LIN28B: variants seen among roughly 807,000 people sequenced by gnomAD.
LIN28B encodes the protein lin-28 RNA binding posttranscriptional regulator B, also known as protein lin-28 homolog B.
A neutral mutation model predicts 21.9 loss-of-function variants in LIN28B; 5 were observed. The observed-to-expected ratio is 0.23, with a 90% CI of 0.12 to 0.48. The LOEUF (loss-of-function observed/expected upper bound fraction) is 0.48, where lower values mean the gene tolerates loss of function less well. Ranked by LOEUF, LIN28B falls within the 20% of genes least tolerant of loss-of-function variation. The pLI is 0.98. For synonymous variants in LIN28B, 109 were observed against 111.3 expected, an observed-to-expected ratio of 0.98 and a Z score of 0.13; for missense variants, 245 against 310.5, an observed-to-expected ratio of 0.79 and a Z score of 1.58.
rs959764328 is a variant in LIN28B at position 105,079,473 on chromosome 6, G to C, written c.*690G>C. 1.3e-5 allele frequency: 2 copies of C among 152,504 alleles called. No individual in the cohort carries two copies. The highest frequency in any genetic ancestry group is 4.8e-5 in the African/African-American group (2 of 41,410). The allele number at this position is 152,504 out of a possible 1,614,324, so 9.4% of individuals were successfully genotyped here. ...CTGCCATAAGCTTTTTTGATTCTGGGATAACATAACTCCAGAAAAGACAAT... is the reference window on the plus strand; with the variant it reads ...CTGCCATAAGCTTTTTTGATTCTGGCATAACATAACTCCAGAAAAGACAAT... On this transcript the variant is annotated 3_prime_UTR_variant, in exon 4 of 4. Transcript: ENST00000345080.
chr6:104,957,207 A>G lies in LIN28B; in HGVS notation c.-44A>G. ...GAAGATCACTCCGTTCCAAAGGGAAAGTTTTCATCTCACGAGTTTGGAGCT... is the reference window on the plus strand; with the variant it reads ...GAAGATCACTCCGTTCCAAAGGGAAGGTTTTCATCTCACGAGTTTGGAGCT... On this transcript the variant is annotated 5_prime_UTR_variant, in exon 1 of 4. Coordinates refer to ENST00000345080, the MANE Select transcript of LIN28B (RefSeq NM_001004317.4). The G allele has an allele frequency of 6.2e-7, 1 of 1,613,986 alleles. No individual in the cohort carries two copies. Among genetic ancestry groups the G allele is most frequent in the East Asian group, 2.2e-5 (1 of 44,870 alleles).
intron 3 of LIN28B, among the ~76,000 whole-genome samples, chr6:105,065,554 C>T (rs376563801): frequency 1.4e-4 from 22 of 152,220 alleles, no homozygotes; most frequent in African/African-American, 3.9e-4. Flanking sequence ...TATACTTCAT[C>T]GTTTTCCTCA....
intron 2 of LIN28B, among the ~76,000 whole-genome samples, chr6:105,021,378 A>G (rs1053692030): frequency 5.9e-5 from 9 of 152,174 alleles, no homozygotes; most frequent in Non-Finnish European, 8.8e-5. Flanking sequence ...CTTTGGGTCA[A>G]TACCCAGTAG....
chr6:104,958,062 G>T (rs760645157), intron 1 of LIN28B, 37 bp from the exon 2 acceptor site: 2 of 1,442,158 alleles, frequency 1.4e-6, no homozygotes, highest in South Asian at 1.5e-5. Context: ...CATTGAATGG[G>T]AATACAGACT....
intron 3 of LIN28B, among the ~76,000 whole-genome samples, chr6:105,073,983 G>T (rs1368444545): frequency 6.6e-6 from 1 of 152,108 alleles, no homozygotes; most frequent in East Asian, 1.9e-4. Context: ...TCTGATTTCT[G>T]AATTAGTTTT....
intron 3 of LIN28B, among the ~76,000 whole-genome samples, chr6:105,050,546 G>C (rs1048009267): frequency 3.6e-5 from 5 of 139,250 alleles, no homozygotes; most frequent in Admixed American, 1.6e-4. Flanking sequence ...AGCTTGCAGT[G>C]AGCTGAGATT....
intron 3 of LIN28B, among the ~76,000 whole-genome samples, chr6:105,029,967 A>G (rs1397154719): frequency 6.6e-6 from 1 of 152,170 alleles, no homozygotes; most frequent in Non-Finnish European, 1.5e-5. Flanking sequence ...TAGTTGGGGT[A>G]CTGATCTGGC....
intron 2 of LIN28B, among the ~76,000 whole-genome samples, chr6:104,943,120 A>G (rs1281607618): frequency 6.6e-6 from 1 of 152,186 alleles, no homozygotes; most frequent in Non-Finnish European, 1.5e-5. Context: ...GAGATTTAAA[A>G]TAGTAGTGCT....
intron 2 of LIN28B, among the ~76,000 whole-genome samples, chr6:104,942,202 A>G (rs1000108298): frequency 6.6e-6 from 1 of 152,352 alleles, no homozygotes; most frequent in Non-Finnish European, 1.5e-5. Context: ...TCGATCACAA[A>G]TACTGTGGAA....
chr6:104,952,664 A>G (rs1392133734), upstream of LIN28B, among the ~76,000 whole-genome samples: 1 of 152,218 alleles, frequency 6.6e-6, no homozygotes, highest in African/African-American at 2.4e-5. Flanking sequence ...GCATTTGCAA[A>G]TTTTGAAATG....
At chr6:105,062,491 A>T (rs767146248) in intron 3 of LIN28B, among the ~76,000 whole-genome samples, 3 of 152,204 alleles carry the variant, frequency 2.0e-5, no homozygotes, top group Non-Finnish European at 2.9e-5. Context: ...ATTACAAATA[A>T]TTTAGAAATA....
At chr6:105,075,428 G>A (rs1475949008) in intron 3 of LIN28B, among the ~76,000 whole-genome samples, 1 of 152,162 alleles carries the variant, frequency 6.6e-6, no homozygotes, top group Non-Finnish European at 1.5e-5. Context: ...ATAATGGAGA[G>A]TGATCTGTAC....
At chr6:104,950,570 C>T (rs1404652899) in intron 3 of LIN28B, 40 of 984,200 alleles carry the variant, frequency 4.1e-5, no homozygotes, top group Non-Finnish European at 5.1e-5. Context: ...AGATCAAGAT[C>T]GCTAGAGGCA....
intron 3 of LIN28B, among the ~76,000 whole-genome samples, chr6:105,048,583 G>C (rs1172012970): frequency 1.3e-5 from 2 of 152,176 alleles, no homozygotes; most frequent in East Asian, 3.8e-4. Context: ...AATAGTTTCA[G>C]AAGGAATGGT....
intron 2 of LIN28B, among the ~76,000 whole-genome samples, chr6:105,024,277 C>T (rs1771239926): frequency 6.6e-6 from 1 of 152,126 alleles, no homozygotes; most frequent in Non-Finnish European, 1.5e-5. Context: ...CAGGTGTGAG[C>T]TACCGCGCTT....
At chr6:104,939,038 C>T (rs774661389) in intron 2 of LIN28B, among the ~76,000 whole-genome samples, 1 of 151,974 alleles carries the variant, frequency 6.6e-6, no homozygotes, top group Non-Finnish European at 1.5e-5. Context: ...TTACAAAATA[C>T]CTAGAAACAT....
At chr6:105,044,965 G>A (rs984838388) in intron 3 of LIN28B, among the ~76,000 whole-genome samples, 1 of 152,042 alleles carries the variant, frequency 6.6e-6, no homozygotes, top group Non-Finnish European at 1.5e-5. Flanking sequence ...CCAGGAGTTC[G>A]AGACCAGCTC....
At position 105,041,822 on chromosome 6, in the gene LIN28B, T is replaced by TC. The variant is rs375466218; in HGVS notation, c.383+15341dup. 2.0e-5 allele frequency among the ~76,000 whole-genome samples: 3 copies of TC among 152,286 alleles called. No homozygotes were observed. The East Asian group carries it at 5.8e-4, about 29-fold the overall frequency. The stretch of plus-strand genomic sequence containing the variant: ...TTGAGCTCAGCCATTGTGTTTTTTT[T>TC]CTTCTTTCTTCCAACAAACCTCTGG... On this transcript the variant is annotated intron_variant, in intron 3 of 3. Transcript: ENST00000345080.
At chr6:105,010,176 C>T (rs901750566) in intron 2 of LIN28B, among the ~76,000 whole-genome samples, 7 of 151,340 alleles carry the variant, frequency 4.6e-5, no homozygotes, top group Admixed American at 6.6e-5. Flanking sequence ...GGCAACATGA[C>T]GAAACCCCGT....
Sources: allele counts gnomAD v4.1 joint callset (sites outside exome capture counted in the v4.1 genomes callset), GRCh38; gene constraint gnomAD v4.1.1; transcripts MANE v1.5; gene names NCBI Gene and HGNC (gene_info 2026-07-23, HGNC 2026-07-21).